CECR2: variants seen among roughly 807,000 people sequenced by gnomAD.
The protein encoded by CECR2 is chromatin remodeling regulator CECR2.
CECR2 carries 30 observed loss-of-function variants against 154.5 expected under a neutral mutation model. That is an observed-to-expected ratio of 0.19 (90% confidence interval 0.15 to 0.26). The LOEUF (loss-of-function observed/expected upper bound fraction) is 0.26. Among genes scored for constraint, CECR2 ranks in the 10% least tolerant of loss-of-function variants. The probability of loss-of-function intolerance (pLI) is 1.00; values close to 1 mark genes in which losing one functional copy is unlikely to be tolerated. For synonymous variants in CECR2, 725 were observed against 683.7 expected, an observed-to-expected ratio of 1.06 and a Z score of -0.94; for missense variants, 1,743 against 1,829.3, an observed-to-expected ratio of 0.95 and a Z score of 0.86.
intron 1 of CECR2, among the ~76,000 whole-genome samples, chr22:17,443,584 A>G (rs1234536594): frequency 2.6e-5 from 4 of 152,002 alleles, no homozygotes; most frequent in Non-Finnish European, 5.9e-5. Context: ...CTTAAAATTG[A>G]CTCCGGCTTA....
chr22:17,445,591 ATTT>A (rs2146679683), intron 1 of CECR2, among the ~76,000 whole-genome samples: 1 of 135,680 alleles, frequency 7.4e-6, no homozygotes, highest in African/African-American at 2.8e-5. Context: ...TATTATTATT[ATTT>A]GAGGCAGAGG....
rs755269189 is a variant in CECR2 at position 17,541,899 on chromosome 22, G to C, written c.1945G>C (p.Gly649Arg). ...LRGSDPATLY[G>R]SSGVPEPHPG... Reference sequence around the variant, plus strand: ...AGGATCAGATCCTGCCACCTTGTATGGCTCCTCTGGAGTCCCGGAGCCACA... The same window carrying C: ...AGGATCAGATCCTGCCACCTTGTATCGCTCCTCTGGAGTCCCGGAGCCACA... Residue 649 changes from glycine (G) to arginine (R), a missense_variant, in exon 15 of 19, where the codon GGC (glycine) becomes CGC (arginine). Around this residue, in one of 4 missense-constraint regions of CECR2, gnomAD observed 1,250 missense variants for 1,192.1 expected, o/e 1.05. Coordinates refer to ENST00000262608, the MANE Select transcript of CECR2 (RefSeq NM_001290047.2). The C allele has an allele frequency of 9.9e-6, 16 of 1,613,850 alleles. No individual in the cohort carries two copies.
rs555418683 is a variant in CECR2 at position 17,456,769 on chromosome 22, T to G, written c.127-20819T>G. On this transcript the variant is annotated intron_variant, in intron 1 of 18. Transcript: ENST00000262608. ...CTTCATTTATTACAGCATCACGATA[T>G]GGAGATGGACTAAAATAAATTCAGA... 1.1e-3 allele frequency among the ~76,000 whole-genome samples: 175 copies of G among 152,274 alleles called. 1 individual carries two copies. The highest frequency in any genetic ancestry group is 4.0e-3 in the African/African-American group (168 of 41,562).
chr22:17,502,722 G>A (rs1046317395), intron 5 of CECR2, among the ~76,000 whole-genome samples: 2 of 152,176 alleles, frequency 1.3e-5, no homozygotes, highest in Non-Finnish European at 2.9e-5. Context: ...AGAATCATTT[G>A]AACCTGGGAG....
chr22:17,550,467 T>C (rs1250705778), intron 17 of CECR2: 1 of 154,020 alleles, frequency 6.5e-6, no homozygotes, highest in Non-Finnish European at 1.5e-5. Flanking sequence ...TCATGTAGTA[T>C]TGAAGTTTTA....
At chr22:17,449,200 GATA>G (rs1280968637) in intron 1 of CECR2, among the ~76,000 whole-genome samples, 3 of 151,656 alleles carry the variant, frequency 2.0e-5, no homozygotes, top group Admixed American at 2.0e-4. Flanking sequence ...CCATTTAAAT[GATA>G]ATGTTCTTTT....
chr22:17,494,364 T>C (rs2055583878), intron 2 of CECR2, among the ~76,000 whole-genome samples: 1 of 152,176 alleles, frequency 6.6e-6, no homozygotes, highest in African/African-American at 2.4e-5. Flanking sequence ...ACTTTTTCAT[T>C]TTCAAATTCA....
At chr22:17,521,443 C>T (rs527439952) in intron 8 of CECR2, among the ~76,000 whole-genome samples, 3 of 151,314 alleles carry the variant, frequency 2.0e-5, no homozygotes, top group South Asian at 4.2e-4. Context: ...AGGAGGCTGA[C>T]GCAGGAGAAT....
chr22:17,442,572 G>A (rs1366174194), intron 1 of CECR2, among the ~76,000 whole-genome samples: 4 of 152,008 alleles, frequency 2.6e-5, no homozygotes, highest in Non-Finnish European at 5.9e-5. Flanking sequence ...TTTTTGAGAT[G>A]GAATCTCACT....
chr22:17,534,929 T>A (rs932908676), intron 9 of CECR2, among the ~76,000 whole-genome samples: 2 of 147,182 alleles, frequency 1.4e-5, no homozygotes, highest in South Asian at 2.3e-4. Context: ...GGCAGGTGGA[T>A]CACAAGGTCA....
rs2056774915 is a variant in CECR2, at chr22:17,556,640, C to T, written c.*3800C>T. On this transcript the variant is annotated 3_prime_UTR_variant, in exon 19 of 19. Coordinates refer to ENST00000262608, the MANE Select transcript of CECR2 (RefSeq NM_001290047.2). ...CCTGATTTGAAATTTCACAGGAAGG[C>T]CTAATCCTATAGTCACAAGGTAAGG... 6.6e-6 allele frequency: 1 copy of T among 152,094 alleles called. No individual in the cohort carries two copies. Among genetic ancestry groups the T allele is most frequent in the Non-Finnish European group, 1.5e-5 (1 of 68,020 alleles). 9.4% of individuals were successfully genotyped at this position (152,094 alleles called of 1,614,324 possible). A position where few individuals can be genotyped will look rare whatever the true frequency, so the allele number is the denominator to read the frequency against.
At chr22:17,392,456 C>G (rs2063335939) in intron 1 of CECR2, among the ~76,000 whole-genome samples, 1 of 151,916 alleles carries the variant, frequency 6.6e-6, no homozygotes, top group Non-Finnish European at 1.5e-5. Context: ...CCATTGCACT[C>G]CAGCCTGGGC....
chr22:17,438,149 G>T (rs1301946748), intron 1 of CECR2, among the ~76,000 whole-genome samples: 1 of 152,174 alleles, frequency 6.6e-6, no homozygotes, highest in African/African-American at 2.4e-5. Flanking sequence ...ATAATGCATT[G>T]TAAAGTTATG....
intron 1 of CECR2, among the ~76,000 whole-genome samples, chr22:17,376,189 T>G (rs1363133260): frequency 6.6e-6 from 1 of 152,126 alleles, no homozygotes; most frequent in Non-Finnish European, 1.5e-5. Context: ...CCCTTTCTAT[T>G]TATACCCACG....
At chr22:17,510,826 T>A (rs1022557394) in intron 7 of CECR2, among the ~76,000 whole-genome samples, 1 of 152,112 alleles carries the variant, frequency 6.6e-6, no homozygotes, top group East Asian at 1.9e-4. Context: ...AGGATGGTCT[T>A]GATCTCCTGA....
chr22:17,526,771 T>C (rs969931258), intron 9 of CECR2, among the ~76,000 whole-genome samples: 1 of 132,722 alleles, frequency 7.5e-6, no homozygotes, highest in Admixed American at 9.3e-5. Flanking sequence ...ATTGCATCAC[T>C]GCACTCCAAC....
chr22:17,469,138 T>C (rs894051570), intron 1 of CECR2, among the ~76,000 whole-genome samples: 1 of 152,034 alleles, frequency 6.6e-6, no homozygotes, highest in African/African-American at 2.4e-5. Context: ...GTTCCTGTGA[T>C]TGAATCAATT....
rs757562981 is a variant in CECR2, at chr22:17,405,103, C to G, written c.126+35194C>G. Among the ~76,000 whole-genome samples, 120 of 152,200 alleles carry G rather than the reference C, an allele frequency of 7.9e-4. 1 individual carries two copies. Among genetic ancestry groups the G allele is most frequent in the Non-Finnish European group, 1.1e-3 (74 of 67,994 alleles). On this transcript the variant is annotated intron_variant, in intron 1 of 18. Coordinates refer to ENST00000262608, the MANE Select transcript of CECR2 (RefSeq NM_001290047.2). ...CCAAAGTATTTCATTCTTTTTGATG[C>G]TATTATACATTTTTGAAAGTTTTAG...
chr22:17,459,503 G>C (rs1015102818), intron 1 of CECR2, among the ~76,000 whole-genome samples: 7 of 152,028 alleles, frequency 4.6e-5, no homozygotes, highest in African/African-American at 1.7e-4. Context: ...TGTAAAGACA[G>C]AGTTTCACCA....
Sources: gnomAD v4.1 joint callset for allele counts (sites outside exome capture counted in the v4.1 genomes callset) on GRCh38, gnomAD v4.1.1 for gene constraint, gnomAD v4.1.1 regional missense constraint, MANE v1.5 for transcripts, NCBI Gene and HGNC (gene_info 2026-07-23, HGNC 2026-07-21) for gene names.